Variants in CIP2A observed in about 807,000 individuals in gnomAD.
CIP2A encodes the protein cellular inhibitor of PP2A.
Under a neutral mutation model 110.9 loss-of-function variants are expected in CIP2A, and 103 were observed. The ratio of observed to expected loss-of-function variants is 0.93; its 90% CI spans 0.79 to 1.09. CIP2A has a LOEUF of 1.09. CIP2A is among the 50% of genes least tolerant of loss of function. The pLI, the probability that CIP2A is intolerant of heterozygous loss-of-function variation, is 0.00. For missense variants in CIP2A, 1,088 were observed against 1,038.4 expected, an observed-to-expected ratio of 1.05 and a Z score of -0.66; for synonymous variants, 381 against 361.6, an observed-to-expected ratio of 1.05 and a Z score of -0.61.
At chr3:108,562,187 T>C (rs886869355) in intron 13 of CIP2A, among the ~76,000 whole-genome samples, 1 of 152,178 alleles carries the variant, frequency 6.6e-6, no homozygotes, top group South Asian at 2.1e-4. Context: ...TTCTGAAAAG[T>C]GGAATCGCTA....
chr3:108,585,657 T>G (rs1410563253), intron 1 of CIP2A: 10 of 455,314 alleles, frequency 2.2e-5, no homozygotes, highest in Non-Finnish European at 4.0e-5. Context: ...TCTAATACAT[T>G]CTACTTACTT....
At chr3:108,565,997 C>T (rs969331833) in intron 11 of CIP2A, among the ~76,000 whole-genome samples, 6 of 151,618 alleles carry the variant, frequency 4.0e-5, no homozygotes, top group African/African-American at 1.2e-4. Flanking sequence ...ATTAGATGGA[C>T]TTAATTCATG....
Position 108,559,690 on chromosome 3 carries a change from C to T in CIP2A, c.2013+67G>A. ...TTCAATTAGAGTAACAAATACATAA[C>T]TAATATTTTGCATGTTTTACTTATT... On this transcript the variant is annotated intron_variant, in intron 16 of 20. Transcript: ENST00000295746. The T allele has an allele frequency of 6.1e-6, 5 of 816,300 alleles. No homozygotes were observed. In the South Asian group the frequency reaches 7.4e-5, roughly 12 times the overall value. The allele number at this position is 816,300 out of a possible 1,614,324, so 50.6% of individuals were successfully genotyped here. A position where few individuals can be genotyped will look rare whatever the true frequency, so the allele number is the denominator to read the frequency against.
chr3:108,565,390 G>C lies in CIP2A; in HGVS notation c.1480C>G (p.Pro494Ala). Residue 494 changes from proline to alanine, a missense_variant, in exon 12 of 21, where the codon CCT becomes GCT. Pro to Ala is a conservative substitution (Grantham distance 27). Coordinates refer to ENST00000295746, the MANE Select transcript of CIP2A (RefSeq NM_020890.3). ...TTGTAGAAGCTTACTTCCATACCAG[G>C]AACCAATGGTTTAAGTTTGTTAATC... ...DLINKLKPLV[P>A]GMEVSFYKIL... 1 of 1,599,304 alleles carries C rather than the reference G, an allele frequency of 6.3e-7. No homozygotes were observed. The highest frequency in any genetic ancestry group is 1.1e-5 in the South Asian group (1 of 88,236).
chr3:108,567,385 T>C (rs990331624), intron 10 of CIP2A, among the ~76,000 whole-genome samples: 1 of 151,690 alleles, frequency 6.6e-6, no homozygotes, highest in African/African-American at 2.4e-5. Flanking sequence ...TAGGACAGAG[T>C]AGAACATATT....
chr3:108,560,891 A>C (rs2107322110), intron 13 of CIP2A, 50 bp from the exon 14 acceptor site: 1 of 1,322,962 alleles, frequency 7.6e-7, no homozygotes, highest in East Asian at 2.5e-5. Flanking sequence ...AAATAGAAGA[A>C]AAGGCAGACT....
At chr3:108,555,087 GT>G (rs1188897640) in intron 17 of CIP2A, among the ~76,000 whole-genome samples, 1 of 152,176 alleles carries the variant, frequency 6.6e-6, no homozygotes, top group Non-Finnish European at 1.5e-5. Context: ...CCTTTAGACA[GT>G]CCTGACCATT....
intron 17 of CIP2A, 21 bp downstream of exon 17, chr3:108,557,197 A>C (rs1937837322): frequency 6.7e-7 from 1 of 1,491,948 alleles, no homozygotes; most frequent in Non-Finnish European, 9.2e-7. Flanking sequence ...AACCTTACAC[A>C]GAAGATTTTA....
intron 2 of CIP2A, among the ~76,000 whole-genome samples, chr3:108,583,882 T>C (rs1437769918): frequency 6.6e-6 from 1 of 152,202 alleles, no homozygotes; most frequent in Non-Finnish European, 1.5e-5. Context: ...CCCATAAGTT[T>C]GTATAAATAT....
Position 108,559,883 on chromosome 3 carries a change from T to C in CIP2A, c.1903-16A>G, listed in dbSNP as rs745883711. On this transcript the variant is annotated splice_polypyrimidine_tract_variant and intron_variant, in intron 15 of 20. Transcript: ENST00000295746. Reference sequence around the variant, plus strand: ...TTTCTTTGGACTACAAGAAAACATATCATTAATTTTCATTTTAGGAATACA... The same window carrying C: ...TTTCTTTGGACTACAAGAAAACATACCATTAATTTTCATTTTAGGAATACA... The C allele has an allele frequency of 1.3e-6, 2 of 1,591,926 alleles. No homozygotes were observed. The highest frequency in any genetic ancestry group is 1.3e-5 in the African/African-American group (1 of 74,332).
chr3:108,552,584 A>G (rs1430864775), intron 19 of CIP2A, among the ~76,000 whole-genome samples: 1 of 152,152 alleles, frequency 6.6e-6, no homozygotes, highest in Non-Finnish European at 1.5e-5. Context: ...GGTAAAGGAC[A>G]ATTCTCAAAA....
intron 7 of CIP2A, among the ~76,000 whole-genome samples, chr3:108,577,318 A>T (rs1026906172): frequency 3.3e-5 from 5 of 152,176 alleles, no homozygotes; most frequent in African/African-American, 1.2e-4. Flanking sequence ...AGTTTTGAGC[A>T]TATTTGTAAG....
Position 108,560,716 on chromosome 3 carries a change from TGAGGAGTTAAACACTTTATTGATGTTG to T in CIP2A, c.1733_1759del (p.Pro578_Pro586del). 6.2e-7 allele frequency: 1 copy of T among 1,611,666 alleles called. No homozygotes were observed. Among genetic ancestry groups the T allele is most frequent in the Non-Finnish European group, 8.5e-7 (1 of 1,178,704 alleles). On this transcript the variant is annotated inframe_deletion, in exon 14 of 21. Coordinates refer to ENST00000295746, the MANE Select transcript of CIP2A (RefSeq NM_020890.3). ...CAATCCAGGAACACCATCTTTCAAATGAGGAGTTAAACACTTTATTGATGTTGGAAAACTGTGATTTGATGATTGCCA... is the reference window on the plus strand; with the variant it reads ...CAATCCAGGAACACCATCTTTCAAATGAAAACTGTGATTTGATGATTGCCA...
chr3:108,573,351 A>C (rs1484780668), intron 8 of CIP2A, among the ~76,000 whole-genome samples: 1 of 152,036 alleles, frequency 6.6e-6, no homozygotes, highest in Non-Finnish European at 1.5e-5. Flanking sequence ...ACACTCAACT[A>C]TATCTTCCCC....
At chr3:108,583,110 T>C in intron 2 of CIP2A, 27 bp from the exon 3 acceptor site, 1 of 1,263,612 alleles carries the variant, frequency 7.9e-7, no homozygotes, top group Non-Finnish European at 1.1e-6. Context: ...AAGCACAAAA[T>C]ATATCATTTT....
chr3:108,569,561 T>C lies in CIP2A; in HGVS notation c.941A>G (p.His314Arg), dbSNP rs140154344. The C allele has an allele frequency of 1.7e-3, 2,788 of 1,612,688 alleles. 18 individuals are homozygous for C. The highest frequency in any genetic ancestry group is 0.015 in the African/African-American group (1,159 of 74,892). ...TTCAAACATCATCTGAGTGAGCATA[T>C]GGCGCAGCTGAGTCACTGAACAGAA... is the stretch of plus-strand genomic sequence containing the variant. ...LAFCSVTQLR[H>R]MLTQMMFEQS... Residue 314 changes from histidine to arginine, a missense_variant, in exon 9 of 21, where the codon CAT becomes CGT. Transcript: ENST00000295746.
rs34788499 is a variant in CIP2A, at chr3:108,585,142, C to T, written c.173G>A (p.Cys58Tyr). The stretch of plus-strand genomic sequence containing the variant: ...GGGGTCTTCAAGTAGCTCTACAAGG[C>T]AACTCAAGCATTCACTTGTTAATAT... ...NQILTSECLS[C>Y]LVELLEDPNI... Residue 58 changes from cysteine (C) to tyrosine (Y), a missense_variant, in exon 2 of 21, where the codon TGC becomes TAC. Coordinates refer to ENST00000295746, the MANE Select transcript of CIP2A (RefSeq NM_020890.3). 4.0e-5 allele frequency: 65 copies of T among 1,613,280 alleles called. No individual in the cohort carries two copies. In the East Asian group the frequency reaches 1.2e-3, roughly 30 times the overall value.
chr3:108,560,079 C>T, intron 14 of CIP2A, 51 bp from the exon 15 acceptor site: 2 of 1,067,246 alleles, frequency 1.9e-6, no homozygotes, highest in Non-Finnish European at 2.8e-6. Context: ...TATTTTGACA[C>T]AATGACAAAA....
At chr3:108,551,341 A>T in intron 20 of CIP2A, 22 bp from the exon 21 acceptor site, 1 of 1,558,804 alleles carries the variant, frequency 6.4e-7, no homozygotes, top group Non-Finnish European at 8.7e-7. Context: ...GGGTTGGGGG[A>T]GGAGGAAGAA....
Sources: allele counts gnomAD v4.1 joint callset (sites outside exome capture counted in the v4.1 genomes callset), GRCh38; gene constraint gnomAD v4.1.1; transcripts MANE v1.5; gene names NCBI Gene and HGNC (gene_info 2026-07-23, HGNC 2026-07-21).